PTPRD: variants seen among roughly 807,000 people sequenced by gnomAD.
The protein encoded by PTPRD is receptor-type tyrosine-protein phosphatase delta.
A neutral mutation model predicts 214.5 loss-of-function variants in PTPRD; 34 were observed. The ratio of observed to expected loss-of-function variants is 0.16; its 90% CI spans 0.12 to 0.21. PTPRD has a LOEUF of 0.21. Among genes scored for constraint, PTPRD ranks in the 10% least tolerant of loss-of-function variants. The pLI is 1.00. For missense variants in PTPRD, 2,545 were observed against 2,398.7 expected, an observed-to-expected ratio of 1.06 and a Z score of -1.27; for synonymous variants, 1,128 against 845.7, an observed-to-expected ratio of 1.33 and a Z score of -5.79.
chr9:8,596,456 T>C (rs1443236873), intron 14 of PTPRD, among the ~76,000 whole-genome samples: 1 of 152,042 alleles, frequency 6.6e-6, no homozygotes, highest in Non-Finnish European at 1.5e-5. Context: ...AGTTCATGGT[T>C]CTATTTATGA....
intron 3 of PTPRD, among the ~76,000 whole-genome samples, chr9:10,057,545 T>G (rs2154162238): frequency 6.6e-6 from 1 of 152,150 alleles, no homozygotes; most frequent in African/African-American, 2.4e-5. Flanking sequence ...GTAAGTTGCT[T>G]AATATCAGTA....
chr9:8,731,746 A>T (rs764439965), intron 12 of PTPRD, among the ~76,000 whole-genome samples: 62 of 152,362 alleles, frequency 4.1e-4, no homozygotes, highest in Admixed American at 1.6e-3. Context: ...ACCTTAAAAG[A>T]TATGGTTAAA....
At chr9:9,338,353 T>C (rs2065512) in intron 9 of PTPRD, among the ~76,000 whole-genome samples, 32,482 of 152,092 alleles carry the variant, frequency 0.21, 4,071 homozygotes, top group East Asian at 0.35. Flanking sequence ...AAGATGAAAA[T>C]AGGTATCTGA....
chr9:8,713,590 T>C, intron 12 of PTPRD: 1 of 1,519,816 alleles, frequency 6.6e-7, no homozygotes, highest in Non-Finnish European at 9.1e-7. Context: ...CCACAACATG[T>C]ACCGGGAATA....
intron 2 of PTPRD, among the ~76,000 whole-genome samples, chr9:10,360,141 G>A (rs2097350434): frequency 6.6e-6 from 1 of 152,166 alleles, no homozygotes; most frequent in Admixed American, 6.5e-5. Context: ...TGAATTTTAT[G>A]TGATACATAG....
chr9:8,673,576 C>G (rs777247183), intron 12 of PTPRD, among the ~76,000 whole-genome samples: 3 of 152,014 alleles, frequency 2.0e-5, no homozygotes, highest in Non-Finnish European at 4.4e-5. Flanking sequence ...ATGACTTTGC[C>G]TCTTCCTTCT....
chr9:9,376,134 C>T (rs886634335), intron 9 of PTPRD, among the ~76,000 whole-genome samples: 3 of 151,974 alleles, frequency 2.0e-5, no homozygotes, highest in Non-Finnish European at 2.9e-5. Flanking sequence ...GATTATGTTA[C>T]GTATTTCAGT....
At chr9:9,259,662 G>A (rs10816076) in intron 9 of PTPRD, among the ~76,000 whole-genome samples, 50,635 of 151,806 alleles carry the variant, frequency 0.33, 9,655 homozygotes, top group African/African-American at 0.52. Flanking sequence ...AGGAAACTTA[G>A]TGATGCTGCC....
At chr9:10,321,799 G>T in intron 3 of PTPRD, among the ~76,000 whole-genome samples, 1 of 152,020 alleles carries the variant, frequency 6.6e-6, no homozygotes, top group East Asian at 1.9e-4. Flanking sequence ...TGACTCCTAT[G>T]AAATTCAAAT....
At chr9:9,745,697 A>G (rs531612393) in intron 6 of PTPRD, among the ~76,000 whole-genome samples, 1 of 152,016 alleles carries the variant, frequency 6.6e-6, no homozygotes, top group Non-Finnish European at 1.5e-5. Context: ...AATCTTGTAG[A>G]CTCTAGCCCT....
chr9:8,661,261 G>A (rs527355800), intron 12 of PTPRD, among the ~76,000 whole-genome samples: 18 of 151,986 alleles, frequency 1.2e-4, no homozygotes, highest in African/African-American at 3.6e-4. Context: ...AGGAGAAATC[G>A]CCTCTTCATC....
At chr9:9,263,207 G>C (rs1276133389) in intron 9 of PTPRD, among the ~76,000 whole-genome samples, 1 of 151,418 alleles carries the variant, frequency 6.6e-6, no homozygotes, top group Admixed American at 6.6e-5. Context: ...ATTATTATTA[G>C]GATTTGACTC....
intron 3 of PTPRD, among the ~76,000 whole-genome samples, chr9:10,280,422 C>T: frequency 6.6e-6 from 1 of 151,630 alleles, no homozygotes; most frequent in African/African-American, 2.4e-5. Flanking sequence ...TGCCTAAAAG[C>T]ATAGACCATC....
chr9:10,273,814 A>T (rs1321600657), intron 3 of PTPRD, among the ~76,000 whole-genome samples: 14 of 152,176 alleles, frequency 9.2e-5, no homozygotes, highest in Non-Finnish European at 1.9e-4. Flanking sequence ...AGGTTAAAAC[A>T]CAATGGCCTT....
chr9:9,072,047 A>G (rs888333383), intron 10 of PTPRD, among the ~76,000 whole-genome samples: 10 of 152,132 alleles, frequency 6.6e-5, no homozygotes, highest in African/African-American at 2.4e-4. Context: ...TTGTTTCCTC[A>G]GGCAGTGATT....
chr9:10,129,582 G>C (rs939349969), intron 3 of PTPRD, among the ~76,000 whole-genome samples: 1 of 143,164 alleles, frequency 7.0e-6, no homozygotes, highest in Non-Finnish European at 1.5e-5. Flanking sequence ...CTACTATCAA[G>C]AAATCAGTTG....
At chr9:8,818,952 G>A (rs1031067816) in intron 11 of PTPRD, among the ~76,000 whole-genome samples, 1 of 152,118 alleles carries the variant, frequency 6.6e-6, no homozygotes, top group Non-Finnish European at 1.5e-5. Flanking sequence ...AACTAACCAG[G>A]AAAACGACAT....
chr9:8,655,099 G>A (rs2096884036), intron 12 of PTPRD, among the ~76,000 whole-genome samples: 1 of 151,982 alleles, frequency 6.6e-6, no homozygotes, highest in South Asian at 2.1e-4. Context: ...AAATTAAATA[G>A]TTAAAAAAAT....
chr9:9,146,102 T>C (rs59268868), intron 10 of PTPRD, among the ~76,000 whole-genome samples: 14,633 of 152,182 alleles, frequency 0.096, 804 homozygotes, highest in African/African-American at 0.14. Flanking sequence ...TGACTTCAAA[T>C]GGGGTTTTGA....
Sources: allele counts gnomAD v4.1 joint callset (sites outside exome capture counted in the v4.1 genomes callset), GRCh38; gene constraint gnomAD v4.1.1; transcripts MANE v1.5; gene names NCBI Gene and HGNC (gene_info 2026-07-23, HGNC 2026-07-21).